Variants in PPM1E observed in about 807,000 individuals in gnomAD.
The protein encoded by PPM1E is protein phosphatase 1E.
PPM1E carries 20 observed loss-of-function variants against 65.9 expected under a neutral mutation model. That is an observed-to-expected ratio of 0.30 (90% CI 0.21 to 0.44). The LOEUF is 0.44. PPM1E is among the 20% of genes least tolerant of loss of function. The pLI is 1.00. For synonymous variants in PPM1E, 352 were observed against 374.9 expected (o/e 0.94, Z 0.70); for missense variants, 713 against 953.1 (o/e 0.75, Z 3.32).
At chr17:58,834,605 TCCTACAGGAGACC>T (rs1417212926) in intron 1 of PPM1E, among the ~76,000 whole-genome samples, 3 of 152,212 alleles carry the variant, frequency 2.0e-5, no homozygotes, top group African/African-American at 7.2e-5. Flanking sequence ...CCATTTTGTC[TCCTACAGGAGACC>T]AGTTGTCCCA....
At chr17:58,861,542 G>T (rs1336283895) in intron 1 of PPM1E, among the ~76,000 whole-genome samples, 2 of 152,156 alleles carry the variant, frequency 1.3e-5, no homozygotes, top group African/African-American at 2.4e-5. Flanking sequence ...GGATATCCAA[G>T]AATTGATTCC....
intron 1 of PPM1E, among the ~76,000 whole-genome samples, chr17:58,804,452 C>T (rs1198419939): frequency 6.6e-6 from 1 of 151,802 alleles, no homozygotes; most frequent in Non-Finnish European, 1.5e-5. Flanking sequence ...GATTTGTCAC[C>T]CAGCTTTTAG....
At chr17:58,785,656 AG>A (rs1321347302) in intron 1 of PPM1E, 1 of 151,552 alleles carries the variant, frequency 6.6e-6, no homozygotes, top group Non-Finnish European at 1.5e-5. Context: ...TATGGAAGAT[AG>A]GAGAGAAAGT....
chr17:58,894,631 A>G lies in PPM1E; in HGVS notation c.465-61018A>G, dbSNP rs1031410544. Reference sequence around the variant, plus strand: ...CTTAGGGACCCATAGGGCTCCCTTCAGGAGCTTCATTGATCTTTCCCATGT... The same window carrying G: ...CTTAGGGACCCATAGGGCTCCCTTCGGGAGCTTCATTGATCTTTCCCATGT... On this transcript the variant is annotated intron_variant, in intron 1 of 6. Coordinates refer to ENST00000308249, the MANE Select transcript of PPM1E (RefSeq NM_014906.5). Among the ~76,000 whole-genome samples, 4 of 152,204 alleles carry G rather than the reference A, an allele frequency of 2.6e-5. 1 individual carries two copies. The South Asian group carries it at 6.2e-4, about 24-fold the overall frequency.
chr17:58,964,527 G>A (rs2030150688), intron 2 of PPM1E, among the ~76,000 whole-genome samples: 1 of 152,116 alleles, frequency 6.6e-6, no homozygotes, highest in South Asian at 2.1e-4. Context: ...GGTAGACATA[G>A]GTGAAGTGGT....
intron 1 of PPM1E, chr17:58,785,648 TG>T (rs895950487): frequency 2.6e-5 from 4 of 151,270 alleles, no homozygotes; most frequent in Non-Finnish European, 5.9e-5. Flanking sequence ...ATAAAAACTA[TG>T]GAAGATAGGA....
At chr17:58,808,853 T>TA (rs919961662) in intron 1 of PPM1E, among the ~76,000 whole-genome samples, 75 of 146,932 alleles carry the variant, frequency 5.1e-4, no homozygotes, top group East Asian at 2.2e-3. Context: ...CCATGTAGTT[T>TA]AAAAAAAAAA....
At chr17:58,968,834 C>T (rs2030420350) in intron 3 of PPM1E, among the ~76,000 whole-genome samples, 2 of 152,186 alleles carry the variant, frequency 1.3e-5, no homozygotes, top group South Asian at 4.1e-4. Context: ...TGGCAGTTTA[C>T]TTTGCAAGGA....
intron 1 of PPM1E, among the ~76,000 whole-genome samples, chr17:58,799,447 AC>A (rs1326144616): frequency 6.9e-6 from 1 of 145,510 alleles, no homozygotes; most frequent in African/African-American, 2.6e-5. Flanking sequence ...ACACTCAGTT[AC>A]TTTTTTTTTT....
At chr17:58,954,815 G>T (rs1244055776) in intron 1 of PPM1E, among the ~76,000 whole-genome samples, 1 of 143,608 alleles carries the variant, frequency 7.0e-6, no homozygotes, top group Non-Finnish European at 1.5e-5. Flanking sequence ...GGGAGGCAGA[G>T]ATTGCAATGA....
chr17:58,764,914 G>A (rs1357877492), intron 1 of PPM1E, among the ~76,000 whole-genome samples: 1 of 151,478 alleles, frequency 6.6e-6, no homozygotes, highest in Non-Finnish European at 1.5e-5. Flanking sequence ...TTTCTTTCCA[G>A]GTTTGTATAG....
chr17:58,951,782 T>C (rs2052243047), intron 1 of PPM1E, among the ~76,000 whole-genome samples: 1 of 152,082 alleles, frequency 6.6e-6, no homozygotes, highest in Non-Finnish European at 1.5e-5. Context: ...CTATGCAGTA[T>C]CGTGAGACCT....
In PPM1E at chr17:58,773,529, C is replaced by A. The variant is rs545535540; in HGVS notation, c.464+17068C>A. ...TCCCATGAACTACCCCAGTATTGTA[C>A]CAAAAGACATTTGGTAATTCCTTCC... On this transcript the variant is annotated intron_variant, in intron 1 of 6. Coordinates refer to ENST00000308249, the MANE Select transcript of PPM1E (RefSeq NM_014906.5). Among the ~76,000 whole-genome samples the A allele has an allele frequency of 5.9e-5, 9 of 152,182 alleles. No individual in the cohort carries two copies. In the East Asian group the frequency reaches 1.7e-3, roughly 29 times the overall value.
chr17:58,852,396 C>G (rs2050835983), intron 1 of PPM1E, among the ~76,000 whole-genome samples: 1 of 152,138 alleles, frequency 6.6e-6, no homozygotes, highest in East Asian at 1.9e-4. Flanking sequence ...ATCTTGGAAC[C>G]CTTATTTTAC....
At chr17:58,945,641 C>T (rs1002017451) in intron 1 of PPM1E, among the ~76,000 whole-genome samples, 7 of 152,200 alleles carry the variant, frequency 4.6e-5, no homozygotes, top group African/African-American at 1.4e-4. Flanking sequence ...GTCTGGACCT[C>T]CCAAACTTCT....
chr17:58,918,805 CAAAAAAAAAAAAAAAA>C (rs71143301), intron 1 of PPM1E, among the ~76,000 whole-genome samples: 1 of 75,818 alleles, frequency 1.3e-5, no homozygotes, highest in Non-Finnish European at 2.2e-5. Context: ...GACTCCGTCT[CAAAAAAAAAAAAAAAA>C]AAAAAAAAAG....
intron 1 of PPM1E, among the ~76,000 whole-genome samples, chr17:58,819,404 C>T (rs1350653762): frequency 6.6e-6 from 1 of 152,172 alleles, no homozygotes; most frequent in Non-Finnish European, 1.5e-5. Flanking sequence ...CTGCTTCAGC[C>T]TCTCATAATG....
At chr17:58,861,868 G>A (rs1262572769) in intron 1 of PPM1E, among the ~76,000 whole-genome samples, 1 of 152,112 alleles carries the variant, frequency 6.6e-6, no homozygotes, top group Non-Finnish European at 1.5e-5. Context: ...GGTTGAGGCT[G>A]TAGTGAGCCT....
intron 1 of PPM1E, among the ~76,000 whole-genome samples, chr17:58,833,261 C>T (rs1270345686): frequency 6.6e-6 from 1 of 150,904 alleles, no homozygotes; most frequent in Non-Finnish European, 1.5e-5. Context: ...CAATCCTAAC[C>T]CCTGGCAACC....
Sources: allele counts gnomAD v4.1 joint callset (sites outside exome capture counted in the v4.1 genomes callset), GRCh38; gene constraint gnomAD v4.1.1; transcripts MANE v1.5; gene names NCBI Gene and HGNC (gene_info 2026-07-23, HGNC 2026-07-21).